ROBO1: variants seen among roughly 807,000 people sequenced by gnomAD.
ROBO1 encodes roundabout guidance receptor 1, also known as roundabout homolog 1.
ROBO1 carries 149 observed loss-of-function variants against 195.9 expected under a neutral mutation model. That is an observed-to-expected ratio of 0.76 (90% CI 0.67 to 0.87). The LOEUF (loss-of-function observed/expected upper bound fraction) is 0.87. Among genes scored for constraint, ROBO1 ranks in the 40% least tolerant of loss-of-function variants. The pLI, the probability that ROBO1 is intolerant of heterozygous loss-of-function variation, is 0.00. For missense variants in ROBO1, 1,933 were observed against 2,068.3 expected (o/e 0.93, Z 1.27); for synonymous variants, 816 against 733.2 (o/e 1.11, Z -1.82).
chr3:79,647,910 G>A (rs1945881488), intron 1 of ROBO1, among the ~76,000 whole-genome samples: 2 of 152,064 alleles, frequency 1.3e-5, no homozygotes, highest in South Asian at 4.1e-4. Context: ...TTTGAAAAAT[G>A]TGTGTCTAGC....
At chr3:78,951,719 A>C (rs2040803062) in intron 3 of ROBO1, among the ~76,000 whole-genome samples, 1 of 152,108 alleles carries the variant, frequency 6.6e-6, no homozygotes, top group African/African-American at 2.4e-5. Context: ...AAATATAAAC[A>C]TGAGTGACTG....
intron 3 of ROBO1, among the ~76,000 whole-genome samples, chr3:78,995,539 T>C (rs1391694818): frequency 6.6e-6 from 1 of 152,064 alleles, no homozygotes; most frequent in Non-Finnish European, 1.5e-5. Flanking sequence ...GGGTAATCTT[T>C]TCCGTTTTTA....
chr3:79,306,904 A>G (rs58536952), intron 2 of ROBO1, among the ~76,000 whole-genome samples: 1 of 152,338 alleles, frequency 6.6e-6, no homozygotes, highest in African/African-American at 2.4e-5. Flanking sequence ...CAGATAGCTC[A>G]ATATTTATGA....
chr3:79,474,708 A>C (rs1318088252), intron 2 of ROBO1, among the ~76,000 whole-genome samples: 2 of 152,154 alleles, frequency 1.3e-5, no homozygotes, highest in African/African-American at 2.4e-5. Flanking sequence ...GGTACAAATA[A>C]GTTGGTGAAA....
chr3:78,910,532 A>T (rs1409337323), intron 4 of ROBO1, among the ~76,000 whole-genome samples: 1 of 151,956 alleles, frequency 6.6e-6, no homozygotes, highest in East Asian at 1.9e-4. Context: ...GGTAATTCGT[A>T]ACAGTTAACC....
At chr3:79,707,725 G>C (rs139296353) in intron 1 of ROBO1, among the ~76,000 whole-genome samples, 2,322 of 152,200 alleles carry the variant, frequency 0.015, 20 homozygotes, top group Non-Finnish European at 0.025. Context: ...AGCCAGGATG[G>C]TCTCGATCTC....
chr3:78,762,850 A>C (rs574272600), intron 4 of ROBO1, among the ~76,000 whole-genome samples: 1 of 152,038 alleles, frequency 6.6e-6, no homozygotes, highest in South Asian at 2.1e-4. Flanking sequence ...CAAAAGAAAC[A>C]AAAAAAAGGC....
At chr3:79,400,287 C>T in intron 2 of ROBO1, among the ~76,000 whole-genome samples, 1 of 151,988 alleles carries the variant, frequency 6.6e-6, no homozygotes, top group East Asian at 1.9e-4. Flanking sequence ...TAACAACCCC[C>T]ACAACACACA....
chr3:78,691,850 G>A (rs1370268545), intron 8 of ROBO1, among the ~76,000 whole-genome samples: 1 of 152,084 alleles, frequency 6.6e-6, no homozygotes, highest in Admixed American at 6.5e-5. Flanking sequence ...TCTTTTCATT[G>A]AAATCTAATT....
chr3:79,171,256 G>A (rs146482637), intron 2 of ROBO1, among the ~76,000 whole-genome samples: 14 of 150,400 alleles, frequency 9.3e-5, no homozygotes, highest in East Asian at 5.8e-4. Flanking sequence ...TTACTTCATC[G>A]TTAGTATCAT....
chr3:79,302,109 G>A (rs1296479029), intron 2 of ROBO1, among the ~76,000 whole-genome samples: 1 of 152,136 alleles, frequency 6.6e-6, no homozygotes, highest in Non-Finnish European at 1.5e-5. Flanking sequence ...GGGACCAGAC[G>A]AAATTCCAGG....
intron 4 of ROBO1, among the ~76,000 whole-genome samples, chr3:78,902,353 T>C (rs974686623): frequency 4.6e-5 from 7 of 152,168 alleles, no homozygotes; most frequent in African/African-American, 1.7e-4. Flanking sequence ...TCCATTGAGA[T>C]TAAATTTCTT....
At chr3:79,701,173 A>T (rs1182400871) in intron 1 of ROBO1, among the ~76,000 whole-genome samples, 1 of 151,212 alleles carries the variant, frequency 6.6e-6, no homozygotes, top group Non-Finnish European at 1.5e-5. Flanking sequence ...ATTCCATTCC[A>T]CTGGTTGATA....
chr3:78,654,408 G>A (rs1706865639), intron 18 of ROBO1, among the ~76,000 whole-genome samples: 1 of 152,166 alleles, frequency 6.6e-6, no homozygotes, highest in South Asian at 2.1e-4. Flanking sequence ...TTTATTTCAT[G>A]TTCCAGACTC....
intron 8 of ROBO1, among the ~76,000 whole-genome samples, chr3:78,712,017 CAAAAAAAAAAAAAAAAAA>C (rs56267632): frequency 9.2e-5 from 7 of 76,422 alleles, no homozygotes; most frequent in South Asian, 5.7e-4. Context: ...AAGACCTTGG[CAAAAAAAAAAAAAAAAAA>C]AAAAAAAAAA....
chr3:79,058,774 C>T (rs1433754180), intron 3 of ROBO1, among the ~76,000 whole-genome samples: 1 of 152,102 alleles, frequency 6.6e-6, no homozygotes, highest in Admixed American at 6.6e-5. Context: ...ATTCCGGTAA[C>T]TTTGCTCACA....
chr3:79,459,345 A>T (rs926179251), intron 2 of ROBO1, among the ~76,000 whole-genome samples: 3 of 152,194 alleles, frequency 2.0e-5, no homozygotes, highest in African/African-American at 7.2e-5. Context: ...ACAAAAAATC[A>T]TAACATTTGT....
intron 2 of ROBO1, among the ~76,000 whole-genome samples, chr3:79,325,492 A>AG (rs1187249123): frequency 2.6e-5 from 4 of 152,198 alleles, no homozygotes; most frequent in Non-Finnish European, 4.4e-5. Context: ...TGTGAAAAAA[A>AG]TATCACATGC....
At chr3:78,700,466 T>C (rs2031051) in intron 8 of ROBO1, among the ~76,000 whole-genome samples, 45,843 of 152,016 alleles carry the variant, frequency 0.3, 7,579 homozygotes, top group African/African-American at 0.45. Flanking sequence ...GATAACGTTA[T>C]TCAACTGGTA....
Sources: gnomAD v4.1 joint callset for allele counts (sites outside exome capture counted in the v4.1 genomes callset) on GRCh38, gnomAD v4.1.1 for gene constraint, MANE v1.5 for transcripts, NCBI Gene and HGNC (gene_info 2026-07-23, HGNC 2026-07-21) for gene names.